CHST15: variants seen among roughly 807,000 people sequenced by gnomAD.
CHST15 encodes the protein carbohydrate sulfotransferase 15.
A neutral mutation model predicts 53.6 loss-of-function variants in CHST15; 30 were observed. That is an observed-to-expected ratio of 0.56 (90% CI 0.42 to 0.76). CHST15 has a LOEUF of 0.76. Ranked by LOEUF, CHST15 falls within the 30% of genes least tolerant of loss-of-function variation. The pLI is 0.00. For synonymous variants in CHST15, 296 were observed against 289.8 expected, an observed-to-expected ratio of 1.02 and a Z score of -0.22; for missense variants, 627 against 740.5, an observed-to-expected ratio of 0.85 and a Z score of 1.78.
intron 1 of CHST15, among the ~76,000 whole-genome samples, chr10:124,088,295 ACT>A (rs1202042119): frequency 6.6e-6 from 1 of 152,088 alleles, no homozygotes; most frequent in Non-Finnish European, 1.5e-5. Context: ...GCGTTACATA[ACT>A]CTGACTTGCA....
intron 1 of CHST15, among the ~76,000 whole-genome samples, chr10:124,051,232 C>T (rs951706027): frequency 6.6e-6 from 1 of 152,066 alleles, no homozygotes; most frequent in Admixed American, 6.5e-5. Flanking sequence ...GCATGAGGCA[C>T]CACGCCTGGC....
In CHST15 at chr10:124,009,170, T is replaced by C; in HGVS notation, c.*979A>G. On this transcript the variant is annotated 3_prime_UTR_variant, in exon 8 of 8. Coordinates refer to ENST00000435907, the MANE Select transcript of CHST15 (RefSeq NM_001270764.2). Reference sequence around the variant, plus strand: ...AGAACTAAAAATTAAAATCCTCTGTTTCTCTGATGATCTTGTAAACCTGAT... The same window carrying C: ...AGAACTAAAAATTAAAATCCTCTGTCTCTCTGATGATCTTGTAAACCTGAT... 1 of 1,190,830 alleles carries C rather than the reference T, an allele frequency of 8.4e-7. No individual in the cohort carries two copies. The highest frequency in any genetic ancestry group is 3.1e-5 in the Admixed American group (1 of 32,714). The allele number at this position is 1,190,830 out of a possible 1,614,324, so 73.8% of individuals were successfully genotyped here. A position where few individuals can be genotyped will look rare whatever the true frequency, so the allele number is the denominator to read the frequency against.
At chr10:124,022,126 C>A (rs928984655) in intron 5 of CHST15, among the ~76,000 whole-genome samples, 5 of 152,332 alleles carry the variant, frequency 3.3e-5, no homozygotes, top group African/African-American at 1.2e-4. Context: ...CTCCTCCCAA[C>A]TAGACCTTAA....
chr10:124,009,947 A>T lies in CHST15; in HGVS notation c.*202T>A. The T allele has an allele frequency of 7.0e-7, 1 of 1,419,494 alleles. No individual in the cohort carries two copies. 87.9% of individuals were successfully genotyped at this position (1,419,494 alleles called of 1,614,324 possible). On this transcript the variant is annotated 3_prime_UTR_variant, in exon 8 of 8. Transcript: ENST00000435907. ...TGGGGTCTCCAATGGCCTCGGATAG[A>T]GGAGCTCTGTGAGGGGTCCATTGCT...
At chr10:124,081,738 G>A (rs545850351) in intron 1 of CHST15, among the ~76,000 whole-genome samples, 15 of 152,242 alleles carry the variant, frequency 9.9e-5, no homozygotes, top group Admixed American at 3.3e-4. Flanking sequence ...GGACACAGCC[G>A]CCCTGTGGGA....
chr10:124,011,793 C>T (rs968207230), intron 7 of CHST15: 12 of 985,338 alleles, frequency 1.2e-5, no homozygotes, highest in Middle Eastern at 5.2e-4. Context: ...AACTCAGCCA[C>T]ACGGCTCTGA....
At chr10:124,015,470 G>A (rs1388878616) in intron 6 of CHST15, among the ~76,000 whole-genome samples, 1 of 151,944 alleles carries the variant, frequency 6.6e-6, no homozygotes, top group Admixed American at 6.6e-5. Flanking sequence ...CTGTGCTTGT[G>A]GAGCTTGTCC....
At chr10:124,040,386 CAA>C (rs1719487786) in intron 4 of CHST15, among the ~76,000 whole-genome samples, 1 of 152,212 alleles carries the variant, frequency 6.6e-6, no homozygotes, top group African/African-American at 2.4e-5. Flanking sequence ...ATTCAAGAAA[CAA>C]AGAGTACCAC....
intron 5 of CHST15, among the ~76,000 whole-genome samples, chr10:124,023,237 C>T (rs904198979): frequency 9.9e-5 from 15 of 152,214 alleles, no homozygotes; most frequent in Admixed American, 9.2e-4. Flanking sequence ...GTAATCCCAG[C>T]ACTTTAGGAG....
At chr10:124,086,655 T>TTCC (rs142757457) in intron 1 of CHST15, among the ~76,000 whole-genome samples, 4,321 of 149,306 alleles carry the variant, frequency 0.029, 122 homozygotes, top group East Asian at 0.11. Context: ...TCCACCTGCC[T>TTCC]TCCTCCTCCT....
chr10:124,018,621 G>A lies in CHST15; in HGVS notation c.1347+2635C>T, dbSNP rs141691621. 9.1e-3 allele frequency among the ~76,000 whole-genome samples: 1,380 copies of A among 152,344 alleles called. 20 individuals carry two copies. The highest frequency in any genetic ancestry group is 0.031 in the African/African-American group (1,303 of 41,582). On this transcript the variant is annotated intron_variant, in intron 6 of 7. Coordinates refer to ENST00000435907, the MANE Select transcript of CHST15 (RefSeq NM_001270764.2). ...CAGCTTCAGAGGAGGAGGGGACAGGGAGGCAAGAATGGCCTTTCTGCTTCT... is the reference window on the plus strand; with the variant it reads ...CAGCTTCAGAGGAGGAGGGGACAGGAAGGCAAGAATGGCCTTTCTGCTTCT...
At chr10:124,041,422 T>C (rs1453663166) in intron 4 of CHST15, among the ~76,000 whole-genome samples, 1 of 152,166 alleles carries the variant, frequency 6.6e-6, no homozygotes, top group Non-Finnish European at 1.5e-5. Context: ...GTCAGGCAAA[T>C]AACAAGTCTA....
chr10:124,016,613 GA>G (rs1946593736), intron 6 of CHST15, among the ~76,000 whole-genome samples: 1 of 152,162 alleles, frequency 6.6e-6, no homozygotes, highest in Non-Finnish European at 1.5e-5. Context: ...GCCAGCTAGG[GA>G]AGGCAAAAAC....
At chr10:124,021,716 G>A (rs1946797722) in intron 5 of CHST15, among the ~76,000 whole-genome samples, 2 of 152,116 alleles carry the variant, frequency 1.3e-5, no homozygotes, top group Admixed American at 1.3e-4. Context: ...CAGTAACAGG[G>A]AGCTTCAAAC....
rs1281871369 is a variant in CHST15, at chr10:124,044,867, C to T, written c.599G>A (p.Trp200Ter). 1 of 1,481,242 alleles carries T rather than the reference C, an allele frequency of 6.8e-7. No individual in the cohort carries two copies. Among genetic ancestry groups the T allele is most frequent in the Non-Finnish European group, 9.0e-7 (1 of 1,113,528 alleles). The allele number at this position is 1,481,242 out of a possible 1,614,324, so 91.8% of individuals were successfully genotyped here. ...GTTCTGCCCCGAGAACTCCTCGTAC[C>T]AACAGGGGCTCTTACTGTTTGGAAG... ...KFLPNSKSPC[W>*]YEEFSGQNTT... Residue 200 changes from tryptophan to a stop codon, truncating the protein, a stop_gained, in exon 3 of 8, where the codon TGG becomes TAG. Coordinates refer to ENST00000435907, the MANE Select transcript of CHST15 (RefSeq NM_001270764.2). LOFTEE classifies it high-confidence loss of function.
intron 1 of CHST15, among the ~76,000 whole-genome samples, chr10:124,056,667 A>G (rs1948391839): frequency 2.0e-5 from 3 of 152,220 alleles, no homozygotes; most frequent in African/African-American, 7.2e-5. Flanking sequence ...GGCCCCATGC[A>G]CAGGAGGCAG....
At chr10:124,026,464 C>T (rs771717072) in intron 5 of CHST15, among the ~76,000 whole-genome samples, 6 of 152,136 alleles carry the variant, frequency 3.9e-5, no homozygotes, top group East Asian at 1.9e-4. Flanking sequence ...ATCCACTGGA[C>T]GTCAAAAGGC....
At chr10:124,045,112 CAAAA>C (rs758243657) in intron 2 of CHST15, among the ~76,000 whole-genome samples, 193 bp from the exon 3 acceptor site, 187 of 33,718 alleles carry the variant, frequency 5.5e-3, no homozygotes, top group East Asian at 0.021. Context: ...CGCCGCCCCA[CAAAA>C]AAAAAAAAAA....
At chr10:124,038,097 GT>G (rs1256450969) in intron 5 of CHST15, among the ~76,000 whole-genome samples, 1 of 149,620 alleles carries the variant, frequency 6.7e-6, no homozygotes, top group Non-Finnish European at 1.5e-5. Flanking sequence ...ATTTTTGTTT[GT>G]TTTTATTTTA....
Sources: allele counts gnomAD v4.1 joint callset (sites outside exome capture counted in the v4.1 genomes callset), GRCh38; gene constraint gnomAD v4.1.1; transcripts MANE v1.5; gene names NCBI Gene and HGNC (gene_info 2026-07-23, HGNC 2026-07-21).